The following KIAA1328 variants were observed in gnomAD, a reference collection of about 807,000 sequenced individuals.
The protein encoded by KIAA1328 is KIAA1328.
A neutral mutation model predicts 68.1 loss-of-function variants in KIAA1328; 52 were observed. The observed-to-expected ratio is 0.76, with a 90% CI of 0.61 to 0.96. The LOEUF is 0.96. Ranked by LOEUF, KIAA1328 falls within the 40% of genes least tolerant of loss-of-function variation. The pLI is 0.00. For synonymous variants in KIAA1328, 232 were observed against 239.4 expected, an observed-to-expected ratio of 0.97 and a Z score of 0.28; for missense variants, 641 against 677.6, an observed-to-expected ratio of 0.95 and a Z score of 0.60.
intron 5 of KIAA1328, among the ~76,000 whole-genome samples, chr18:36,895,536 A>G (rs1018824733): frequency 6.6e-6 from 1 of 152,196 alleles, no homozygotes; most frequent in South Asian, 2.1e-4. Context: ...AATATTTTTT[A>G]AAAATTCTAA....
chr18:37,023,418 A>G (rs886607056), intron 6 of KIAA1328, among the ~76,000 whole-genome samples: 2 of 152,092 alleles, frequency 1.3e-5, no homozygotes, highest in South Asian at 2.1e-4. Flanking sequence ...AGATCTCACT[A>G]TGTTACCCAG....
chr18:36,859,037 A>G (rs771437693), intron 4 of KIAA1328, among the ~76,000 whole-genome samples: 76 of 152,120 alleles, frequency 5.0e-4, no homozygotes, highest in Non-Finnish European at 9.0e-4. Context: ...TTTTATACAT[A>G]CAACTTCATG....
chr18:36,859,013 G>A (rs993437666), intron 4 of KIAA1328, among the ~76,000 whole-genome samples: 2 of 152,052 alleles, frequency 1.3e-5, no homozygotes, highest in Non-Finnish European at 2.9e-5. Flanking sequence ...CCCTTGGATT[G>A]AGATGCAGTC....
At chr18:37,225,438 C>T (rs554349145), downstream of KIAA1328, 1 of 422,254 alleles carries the variant, frequency 2.4e-6, no homozygotes, top group African/African-American at 2.2e-5. Flanking sequence ...TGTTATTTTC[C>T]TCAGTACTTG....
intron 5 of KIAA1328, among the ~76,000 whole-genome samples, chr18:36,915,421 A>G (rs2049652531): frequency 6.6e-6 from 1 of 152,210 alleles, no homozygotes; most frequent in South Asian, 2.1e-4. Context: ...GGGGAAAAAG[A>G]ATTTTGCAAA....
chr18:37,215,453 T>C (rs1599618516), intron 9 of KIAA1328, among the ~76,000 whole-genome samples: 1 of 152,208 alleles, frequency 6.6e-6, no homozygotes, highest in Non-Finnish European at 1.5e-5. Flanking sequence ...ATTACATTTA[T>C]TGATTTGCGT....
chr18:37,035,078 T>C (rs1017683448), intron 6 of KIAA1328, among the ~76,000 whole-genome samples: 1 of 152,190 alleles, frequency 6.6e-6, no homozygotes, highest in South Asian at 2.1e-4. Flanking sequence ...AAAAGGATAA[T>C]TGGTGATAGA....
At chr18:37,195,456 G>A (rs1331544018) in intron 9 of KIAA1328, among the ~76,000 whole-genome samples, 1 of 152,156 alleles carries the variant, frequency 6.6e-6, no homozygotes, top group African/African-American at 2.4e-5. Context: ...AGGTCTTACA[G>A]TTAAGTATTT....
intron 7 of KIAA1328, among the ~76,000 whole-genome samples, chr18:37,112,903 G>A (rs1014606348): frequency 6.6e-6 from 1 of 152,176 alleles, no homozygotes; most frequent in Non-Finnish European, 1.5e-5. Context: ...GGAAGAAAGG[G>A]TGTCAGTGAT....
intron 7 of KIAA1328, among the ~76,000 whole-genome samples, chr18:37,151,341 A>T (rs968208490): frequency 9.9e-5 from 15 of 152,092 alleles, no homozygotes; most frequent in Non-Finnish European, 2.2e-4. Flanking sequence ...AAATATCAAA[A>T]TTTTTTTCCA....
chr18:37,020,415 G>A (rs1310335561), intron 6 of KIAA1328, among the ~76,000 whole-genome samples: 1 of 152,188 alleles, frequency 6.6e-6, no homozygotes, highest in African/African-American at 2.4e-5. Flanking sequence ...GAGCCACCAC[G>A]CCCAGCCGAA....
At chr18:36,946,657 A>G (rs1428034925) in intron 5 of KIAA1328, 1 of 152,204 alleles carries the variant, frequency 6.6e-6, no homozygotes, top group Non-Finnish European at 1.5e-5. Context: ...GTAAAATGAG[A>G]TTAATAATAG....
intron 6 of KIAA1328, among the ~76,000 whole-genome samples, chr18:37,045,382 T>C (rs1194967081): frequency 1.3e-5 from 2 of 152,206 alleles, no homozygotes; most frequent in African/African-American, 4.8e-5. Flanking sequence ...ATTTAAGGTC[T>C]TTCTGTATAA....
intron 7 of KIAA1328, among the ~76,000 whole-genome samples, chr18:37,128,577 C>T (rs2058447964): frequency 1.3e-5 from 2 of 152,148 alleles, no homozygotes; most frequent in Non-Finnish European, 2.9e-5. Flanking sequence ...GATACAGCCA[C>T]TTTTTAAAAT....
chr18:36,835,493 A>T (rs1010837459), intron 3 of KIAA1328, 117 bp downstream of exon 3: 7 of 989,220 alleles, frequency 7.1e-6, no homozygotes, highest in Non-Finnish European at 1.0e-5. Flanking sequence ...TTCTTAAAAG[A>T]TACAGAGGAT....
At chr18:37,032,247 T>A (rs566273246) in intron 6 of KIAA1328, among the ~76,000 whole-genome samples, 309 of 152,328 alleles carry the variant, frequency 2.0e-3, no homozygotes, top group Non-Finnish European at 3.4e-3. Flanking sequence ...TATAACTGCA[T>A]AAAAGAATGC....
intron 7 of KIAA1328, among the ~76,000 whole-genome samples, chr18:37,109,783 G>A (rs1437135204): frequency 1.3e-5 from 2 of 152,146 alleles, no homozygotes; most frequent in East Asian, 3.8e-4. Context: ...CTTTTTGAAA[G>A]TAATTTTCTT....
intron 6 of KIAA1328, among the ~76,000 whole-genome samples, chr18:37,014,738 A>T (rs1158034425): frequency 6.6e-6 from 1 of 152,098 alleles, no homozygotes; most frequent in Non-Finnish European, 1.5e-5. Flanking sequence ...CAAGGGGGAA[A>T]TCCATCCCCA....
intron 5 of KIAA1328, among the ~76,000 whole-genome samples, chr18:36,886,893 A>G (rs2048519757): frequency 6.6e-6 from 1 of 152,034 alleles, no homozygotes; most frequent in African/African-American, 2.4e-5. Flanking sequence ...ATTAGCTTGA[A>G]AAATACAAGA....
Sources: allele counts gnomAD v4.1 joint callset (sites outside exome capture counted in the v4.1 genomes callset), GRCh38; gene constraint gnomAD v4.1.1; transcripts MANE v1.5; gene names NCBI Gene and HGNC (gene_info 2026-07-23, HGNC 2026-07-21).